FBXL17: variants seen among roughly 807,000 people sequenced by gnomAD.
The protein encoded by FBXL17 is F-box/LRR-repeat protein 17.
Under a neutral mutation model 66.2 loss-of-function variants are expected in FBXL17, and 22 were observed. The ratio of observed to expected loss-of-function variants is 0.33; its 90% CI spans 0.24 to 0.47. FBXL17 has a LOEUF of 0.47. Ranked by LOEUF, FBXL17 falls within the 20% of genes least tolerant of loss-of-function variation. The probability of loss-of-function intolerance (pLI) is 1.00; values close to 1 mark genes in which losing one functional copy is unlikely to be tolerated. For synonymous variants in FBXL17, 474 were observed against 400.5 expected, an observed-to-expected ratio of 1.18 and a Z score of -2.19; for missense variants, 878 against 948.2, an observed-to-expected ratio of 0.93 and a Z score of 0.97.
At chr5:107,898,359 G>A (rs1233798523) in intron 7 of FBXL17, among the ~76,000 whole-genome samples, 1 of 151,936 alleles carries the variant, frequency 6.6e-6, no homozygotes, top group African/African-American at 2.4e-5. Context: ...TTCCTCCTCT[G>A]CCACCCCTGA....
chr5:107,914,380 T>A lies in FBXL17; in HGVS notation c.1823-33201A>T, dbSNP rs1356288296. ...AAGGTAAAGGGGATGATGGGCAGGA[T>A]AAACTTTCCCCAACTCATTTCAGCT... On this transcript the variant is annotated intron_variant, in intron 7 of 8. Transcript: ENST00000542267. 2.0e-5 allele frequency among the ~76,000 whole-genome samples: 3 copies of A among 152,206 alleles called. No individual in the cohort carries two copies. The East Asian group carries it at 5.8e-4, about 29-fold the overall frequency.
intron 4 of FBXL17, among the ~76,000 whole-genome samples, chr5:108,342,056 C>T (rs1016762157): frequency 6.6e-6 from 1 of 152,108 alleles, no homozygotes; most frequent in African/African-American, 2.4e-5. Context: ...TTGTTTAATT[C>T]TTCGACACCT....
intron 6 of FBXL17, among the ~76,000 whole-genome samples, chr5:108,053,545 A>T (rs1458327979): frequency 6.6e-6 from 1 of 152,184 alleles, no homozygotes; most frequent in Admixed American, 6.5e-5. Context: ...GAGACATGTA[A>T]ATCAAAACCA....
At chr5:108,054,766 T>G (rs1420163327) in intron 6 of FBXL17, among the ~76,000 whole-genome samples, 1 of 152,172 alleles carries the variant, frequency 6.6e-6, no homozygotes, top group South Asian at 2.1e-4. Context: ...CATTGCTGTC[T>G]CTAGATTGCC....
At chr5:108,330,634 C>CA (rs1335145246) in intron 4 of FBXL17, among the ~76,000 whole-genome samples, 2 of 151,844 alleles carry the variant, frequency 1.3e-5, no homozygotes, top group East Asian at 1.9e-4. Context: ...ACCAAGGGAA[C>CA]AAAAAAAACT....
At chr5:107,998,521 T>C (rs757695196) in intron 7 of FBXL17, among the ~76,000 whole-genome samples, 2 of 151,924 alleles carry the variant, frequency 1.3e-5, no homozygotes, top group African/African-American at 2.4e-5. Flanking sequence ...TCTACAGAGA[T>C]AAGATTTAAA....
At chr5:108,273,902 C>A (rs568724884) in intron 4 of FBXL17, among the ~76,000 whole-genome samples, 2 of 151,888 alleles carry the variant, frequency 1.3e-5, no homozygotes, top group Admixed American at 1.3e-4. Flanking sequence ...ATACAGTGAT[C>A]ATTAAAAAGT....
chr5:108,377,053 T>C (rs898770029), intron 1 of FBXL17, among the ~76,000 whole-genome samples: 1 of 152,208 alleles, frequency 6.6e-6, no homozygotes, highest in Non-Finnish European at 1.5e-5. Context: ...CCTGGCTTTC[T>C]AGAGAAGTCA....
rs1749886232 is a variant in FBXL17 at position 108,381,266 on chromosome 5, T to G, written c.426A>C (p.Lys142Asn). ...CGGCGGCCGCAGCCAGCCCCAACTC[T>G]TTGCAGCAGGAGGCGGGCGACGAAG... ...ASASSPASCC[K>N]ELGLAAAAAW... is the part of the protein sequence containing the mutation. Residue 142 changes from lysine to asparagine, a missense_variant, in exon 1 of 9, where the codon AAA (lysine) becomes AAC (asparagine). Lys to Asn is a moderately conservative substitution (Grantham distance 94). Around this residue, in one of 4 missense-constraint regions of FBXL17, gnomAD observed 605 missense variants for 509.5 expected, o/e 1.19. Coordinates refer to ENST00000542267, the MANE Select transcript of FBXL17 (RefSeq NM_001163315.3). 6 of 1,425,418 alleles carry G rather than the reference T, an allele frequency of 4.2e-6. No individual in the cohort carries two copies. In the South Asian group the frequency reaches 7.1e-5, roughly 17 times the overall value. 88.3% of individuals were successfully genotyped at this position (1,425,418 alleles called of 1,614,324 possible).
At chr5:108,177,343 T>G (rs971789744) in intron 6 of FBXL17, among the ~76,000 whole-genome samples, 8 of 152,138 alleles carry the variant, frequency 5.3e-5, no homozygotes, top group African/African-American at 1.9e-4. Flanking sequence ...AAATAAGCTG[T>G]TTTTTAAAAT....
intron 6 of FBXL17, among the ~76,000 whole-genome samples, chr5:108,108,759 G>C (rs1399070968): frequency 6.6e-6 from 1 of 151,506 alleles, no homozygotes; most frequent in African/African-American, 2.4e-5. Context: ...TTTCCCCAGT[G>C]GGCCAAAAGA....
intron 6 of FBXL17, among the ~76,000 whole-genome samples, chr5:108,070,973 A>G (rs1748308420): frequency 6.6e-6 from 1 of 152,226 alleles, no homozygotes; most frequent in Non-Finnish European, 1.5e-5. Context: ...TGAAGCAGAT[A>G]AGACATTGCC....
At chr5:108,379,526 C>A (rs1749693103) in intron 1 of FBXL17, among the ~76,000 whole-genome samples, 1 of 152,170 alleles carries the variant, frequency 6.6e-6, no homozygotes, top group South Asian at 2.1e-4. Context: ...CAGACCCAAA[C>A]ACACAGTACT....
At chr5:108,346,956 C>T (rs1353165480) in intron 4 of FBXL17, among the ~76,000 whole-genome samples, 1 of 152,042 alleles carries the variant, frequency 6.6e-6, no homozygotes, top group East Asian at 1.9e-4. Flanking sequence ...CTCCAAGGGG[C>T]AATAAAAAGA....
intron 6 of FBXL17, among the ~76,000 whole-genome samples, chr5:108,120,087 C>A (rs977216028): frequency 6.6e-6 from 1 of 152,138 alleles, no homozygotes; most frequent in Non-Finnish European, 1.5e-5. Flanking sequence ...CTAGGTGAAA[C>A]GAAACTGGCT....
Position 108,378,446 on chromosome 5 carries a change from G to C in FBXL17, c.993+2253C>G, listed in dbSNP as rs373783319. ...TATTGACTCCCTACCAGGAGAACAG[G>C]GCATAATTTCTAAGAATGTTTTCCA... On this transcript the variant is annotated intron_variant, in intron 1 of 8. Coordinates refer to ENST00000542267, the MANE Select transcript of FBXL17 (RefSeq NM_001163315.3). Among the ~76,000 whole-genome samples, 45 of 152,194 alleles carry C rather than the reference G, an allele frequency of 3.0e-4. No individual in the cohort carries two copies. In the South Asian group the frequency reaches 7.5e-3, roughly 25 times the overall value.
At chr5:108,103,492 C>A (rs1047907079) in intron 6 of FBXL17, among the ~76,000 whole-genome samples, 1 of 152,040 alleles carries the variant, frequency 6.6e-6, no homozygotes, top group Non-Finnish European at 1.5e-5. Flanking sequence ...TCAATGTGAA[C>A]CTTTAGTATA....
intron 6 of FBXL17, among the ~76,000 whole-genome samples, chr5:108,083,257 AG>A (rs1470446737): frequency 7.6e-6 from 1 of 131,832 alleles, no homozygotes; most frequent in African/African-American, 2.6e-5. Context: ...ACACAGAGAG[AG>A]AGATAGACAG....
intron 7 of FBXL17, among the ~76,000 whole-genome samples, chr5:107,913,192 G>A (rs1243936724): frequency 6.6e-6 from 1 of 151,964 alleles, no homozygotes; most frequent in Non-Finnish European, 1.5e-5. Flanking sequence ...GAAGAAGCTG[G>A]TATGGACTAC....
Sources: allele counts gnomAD v4.1 joint callset (sites outside exome capture counted in the v4.1 genomes callset), GRCh38; gene constraint gnomAD v4.1.1; regional missense constraint gnomAD v4.1.1; transcripts MANE v1.5; gene names NCBI Gene and HGNC (gene_info 2026-07-23, HGNC 2026-07-21).